ZFHX3: variants seen among roughly 807,000 people sequenced by gnomAD.
ZFHX3 encodes zinc finger homeobox protein 3.
In ZFHX3, 42 loss-of-function variants were observed where a neutral mutation model predicts 279.1. The observed-to-expected ratio is 0.15, with a 90% CI of 0.12 to 0.19. The LOEUF is 0.19. Ranked by LOEUF, ZFHX3 falls within the 10% of genes least tolerant of loss-of-function variation. The pLI is 1.00. For missense variants in ZFHX3, 4,981 were observed against 4,754.0 expected, an observed-to-expected ratio of 1.05 and a Z score of -1.40; for synonymous variants, 2,293 against 1,957.8, an observed-to-expected ratio of 1.17 and a Z score of -4.52.
chr16:73,471,814 T>C (rs1227589621), intron 2 of ZFHX3, among the ~76,000 whole-genome samples: 1 of 151,994 alleles, frequency 6.6e-6, no homozygotes, highest in Non-Finnish European at 1.5e-5. Flanking sequence ...AAGGAGAAAA[T>C]GAGGAAGCTG....
intron 1 of ZFHX3, among the ~76,000 whole-genome samples, chr16:73,738,677 T>C (rs913821257): frequency 1.3e-5 from 2 of 152,176 alleles, no homozygotes; most frequent in African/African-American, 4.8e-5. Context: ...CCAGACATAA[T>C]GTAGAACTCT....
chr16:73,369,230 T>C (rs1474190691), intron 3 of ZFHX3, among the ~76,000 whole-genome samples: 2 of 152,066 alleles, frequency 1.3e-5, no homozygotes, highest in Non-Finnish European at 2.9e-5. Flanking sequence ...CCAGCATGGA[T>C]TTAGTAGGGT....
intron 2 of ZFHX3, among the ~76,000 whole-genome samples, chr16:73,635,108 A>T (rs2052515591): frequency 1.3e-5 from 2 of 152,198 alleles, no homozygotes. Context: ...TGGAAGAGGT[A>T]GAGGAGAAAA....
chr16:73,122,940 A>G (rs1011834916), intron 7 of ZFHX3, among the ~76,000 whole-genome samples: 6 of 152,142 alleles, frequency 3.9e-5, no homozygotes, highest in Admixed American at 2.6e-4. Flanking sequence ...GATTCTTTTA[A>G]AAATTCTGCT....
At chr16:73,404,343 C>T (rs2017317603) in intron 3 of ZFHX3, among the ~76,000 whole-genome samples, 1 of 152,172 alleles carries the variant, frequency 6.6e-6, no homozygotes, top group East Asian at 1.9e-4. Context: ...AAATGTAAAA[C>T]CTGCAAGACA....
intron 2 of ZFHX3, among the ~76,000 whole-genome samples, chr16:73,672,578 A>G (rs1330051947): frequency 1.3e-5 from 2 of 152,208 alleles, no homozygotes; most frequent in African/African-American, 4.8e-5. Flanking sequence ...AGTAATATAG[A>G]AACTGAGCAT....
intron 3 of ZFHX3, among the ~76,000 whole-genome samples, chr16:72,947,690 G>A (rs1320558197): frequency 6.6e-6 from 1 of 152,112 alleles, no homozygotes; most frequent in Non-Finnish European, 1.5e-5. Context: ...TGAATAATTT[G>A]CCAGGGAACC....
chr16:73,283,672 T>C (rs2014516145), intron 4 of ZFHX3, among the ~76,000 whole-genome samples: 1 of 152,248 alleles, frequency 6.6e-6, no homozygotes, highest in Non-Finnish European at 1.5e-5. Flanking sequence ...CATGGTAGAC[T>C]TAAACATTTA....
At chr16:73,205,076 G>C (rs550057211) in intron 5 of ZFHX3, among the ~76,000 whole-genome samples, 7 of 152,132 alleles carry the variant, frequency 4.6e-5, no homozygotes, top group Admixed American at 3.9e-4. Context: ...TAACGAGTGT[G>C]GGCTGCTCAG....
chr16:73,811,543 C>T (rs923247726), intron 1 of ZFHX3, among the ~76,000 whole-genome samples: 1 of 147,660 alleles, frequency 6.8e-6, no homozygotes, highest in Non-Finnish European at 1.5e-5. Flanking sequence ...CTCCCAGGTT[C>T]AAGCGATTCT....
intron 1 of ZFHX3, among the ~76,000 whole-genome samples, chr16:73,738,140 C>G (rs1423788403): frequency 6.6e-6 from 1 of 152,200 alleles, no homozygotes; most frequent in East Asian, 1.9e-4. Flanking sequence ...GAATCAGGCA[C>G]TTTTATCCCT....
chr16:72,826,566 C>T (rs1374360732), intron 5 of ZFHX3, among the ~76,000 whole-genome samples: 1 of 152,138 alleles, frequency 6.6e-6, no homozygotes, highest in African/African-American at 2.4e-5. Flanking sequence ...GCACCTGTAT[C>T]GATTCCAAGA....
At chr16:72,876,674 C>A (rs1413054934) in intron 4 of ZFHX3, among the ~76,000 whole-genome samples, 1 of 152,170 alleles carries the variant, frequency 6.6e-6, no homozygotes, top group Non-Finnish European at 1.5e-5. Flanking sequence ...GATAATCTCT[C>A]TTCTCCTGGC....
intron 3 of ZFHX3, among the ~76,000 whole-genome samples, chr16:72,907,434 C>T (rs948537082): frequency 3.3e-5 from 5 of 152,000 alleles, no homozygotes; most frequent in Non-Finnish European, 4.4e-5. Flanking sequence ...ATTCTCTGTA[C>T]GTGAGAAAGG....
intron 3 of ZFHX3, among the ~76,000 whole-genome samples, chr16:73,441,453 C>T (rs1389683797): frequency 1.3e-5 from 2 of 152,058 alleles, no homozygotes; most frequent in Non-Finnish European, 2.9e-5. Flanking sequence ...GTAAAAGAGC[C>T]CATCCAGCCA....
At chr16:73,082,910 G>A (rs1322678279) in intron 8 of ZFHX3, among the ~76,000 whole-genome samples, 1 of 151,936 alleles carries the variant, frequency 6.6e-6, no homozygotes, top group Non-Finnish European at 1.5e-5. Flanking sequence ...CTGGCCAGGC[G>A]CAGTGGCTCA....
intron 7 of ZFHX3, among the ~76,000 whole-genome samples, chr16:73,102,767 A>G (rs764962435): frequency 6.6e-6 from 1 of 152,218 alleles, no homozygotes; most frequent in African/African-American, 2.4e-5. Flanking sequence ...CCTCAGTTTC[A>G]TCTTCTGTAA....
chr16:73,234,544 C>T lies in ZFHX3; in HGVS notation c.-1104+22503G>A, dbSNP rs191188175. On this transcript the variant is annotated intron_variant, in intron 5 of 17. Transcript: ENST00000641206. ...AAACCTCATGATGGCCAAAGCCAGG[C>T]GGGCGGGGATTGCTTTCTGCTCTGG... Among the ~76,000 whole-genome samples the T allele has an allele frequency of 5.3e-5, 8 of 152,236 alleles. No homozygotes were observed. The East Asian group carries it at 7.7e-4, about 15-fold the overall frequency.
At chr16:73,578,928 C>T (rs1031851971) in intron 2 of ZFHX3, among the ~76,000 whole-genome samples, 1 of 152,086 alleles carries the variant, frequency 6.6e-6, no homozygotes, top group Non-Finnish European at 1.5e-5. Flanking sequence ...AGGGGCATTC[C>T]AAATTTAAGC....
Sources: allele counts gnomAD v4.1 joint callset (sites outside exome capture counted in the v4.1 genomes callset), GRCh38; gene constraint gnomAD v4.1.1; transcripts MANE v1.5; gene names NCBI Gene and HGNC (gene_info 2026-07-23, HGNC 2026-07-21).